The following RALGAPA2 variants were observed in gnomAD, a reference collection of about 807,000 sequenced individuals.
The protein encoded by RALGAPA2 is Ral GTPase activating protein catalytic subunit alpha 2, also known as ral GTPase-activating protein subunit alpha-2.
RALGAPA2 carries 139 observed loss-of-function variants against 230.4 expected under a neutral mutation model. That is an observed-to-expected ratio of 0.60 (90% CI 0.53 to 0.69). The LOEUF (loss-of-function observed/expected upper bound fraction) is 0.69, where lower values mean the gene tolerates loss of function less well. Among genes scored for constraint, RALGAPA2 ranks in the 30% least tolerant of loss-of-function variants. The pLI is 0.00. For synonymous variants in RALGAPA2, 847 were observed against 837.8 expected, an observed-to-expected ratio of 1.01 and a Z score of -0.19; for missense variants, 2,163 against 2,276.0, an observed-to-expected ratio of 0.95 and a Z score of 1.01.
chr20:20,516,108 G>A (rs980387420), intron 31 of RALGAPA2, among the ~76,000 whole-genome samples: 1 of 152,170 alleles, frequency 6.6e-6, no homozygotes, highest in Admixed American at 6.5e-5. Flanking sequence ...GTGCAGCAGA[G>A]GCAGTTATAC....
At chr20:20,490,202 A>C (rs1165333180) in intron 36 of RALGAPA2, among the ~76,000 whole-genome samples, 1 of 152,226 alleles carries the variant, frequency 6.6e-6, no homozygotes, top group East Asian at 1.9e-4. Flanking sequence ...CAAAAACCGG[A>C]CAAAAGGAAT....
intron 38 of RALGAPA2, among the ~76,000 whole-genome samples, chr20:20,407,385 T>C (rs2059968721): frequency 6.6e-6 from 1 of 152,244 alleles, no homozygotes; most frequent in Non-Finnish European, 1.5e-5. Context: ...GGTTAGGATT[T>C]ACTTGTGCTG....
chr20:20,438,417 T>G (rs1276705956), intron 37 of RALGAPA2, among the ~76,000 whole-genome samples: 1 of 152,260 alleles, frequency 6.6e-6, no homozygotes, highest in Non-Finnish European at 1.5e-5. Context: ...CTTTATGTTC[T>G]GCATTTACAA....
At position 20,392,837 on chromosome 20, in the gene RALGAPA2, T is replaced by C. The variant is rs976341122; in HGVS notation, c.*452A>G. The C allele has an allele frequency of 4.2e-5, 10 of 240,746 alleles. 1 individual carries two copies. The Admixed American group carries it at 5.0e-4, about 12-fold the overall frequency. 14.9% of individuals were successfully genotyped at this position (240,746 alleles called of 1,614,324 possible). A position where few individuals can be genotyped will look rare whatever the true frequency, so the allele number is the denominator to read the frequency against. On this transcript the variant is annotated 3_prime_UTR_variant, in exon 40 of 40. Coordinates refer to ENST00000202677, the MANE Select transcript of RALGAPA2 (RefSeq NM_020343.4). ...TGTGAATCATGCTTGGGTTCATAAA[T>C]GAGAAGAAACAACTTGGGGTGCAGA...
At position 20,546,752 on chromosome 20, in the gene RALGAPA2, C is replaced by T. The variant is rs372882025; in HGVS notation, c.3237G>A (p.Gly1079=). The T allele has an allele frequency of 2.5e-6, 4 of 1,611,892 alleles. No homozygotes were observed. The highest frequency in any genetic ancestry group is 3.4e-5 in the Admixed American group (2 of 59,406). The part of the protein sequence containing the change: ...LGFPGFSMLV[G]DFITAAARVL... Reference sequence around the variant, plus strand: ...CCCTGGCAGCGGCCGTGATGAAGTCCCCCACCAGCATTGAGAAGCCAGGAA... The same window carrying T: ...CCCTGGCAGCGGCCGTGATGAAGTCTCCCACCAGCATTGAGAAGCCAGGAA... Residue 1079 remains glycine (G), a synonymous_variant, in exon 24 of 40, where the codon GGG becomes GGA. Transcript: ENST00000202677.
chr20:20,563,437 A>C (rs2064316112), intron 23 of RALGAPA2, among the ~76,000 whole-genome samples: 9 of 152,238 alleles, frequency 5.9e-5, no homozygotes, highest in Admixed American at 5.9e-4. Context: ...TTTGCATACC[A>C]ACTGCTTGAA....
intron 1 of RALGAPA2, among the ~76,000 whole-genome samples, chr20:20,687,141 G>C (rs534180493): frequency 2.0e-5 from 3 of 152,080 alleles, no homozygotes; most frequent in Admixed American, 6.5e-5. Context: ...GCTGGTGATA[G>C]GAAAAAGGGT....
chr20:20,462,828 T>C (rs1045694685), intron 37 of RALGAPA2, among the ~76,000 whole-genome samples: 2 of 152,240 alleles, frequency 1.3e-5, no homozygotes, highest in African/African-American at 4.8e-5. Context: ...GCAGCGTCTC[T>C]TATTCTAATA....
chr20:20,657,305 T>C (rs1010085909), intron 3 of RALGAPA2, among the ~76,000 whole-genome samples: 21 of 152,212 alleles, frequency 1.4e-4, no homozygotes, highest in African/African-American at 4.6e-4. Flanking sequence ...CTTGTACTAC[T>C]GCCTCTGGCA....
intron 39 of RALGAPA2, among the ~76,000 whole-genome samples, chr20:20,393,914 C>A (rs1196249673): frequency 6.6e-6 from 1 of 152,202 alleles, no homozygotes; most frequent in Non-Finnish European, 1.5e-5. Context: ...GCCACTGTTG[C>A]GGGTGGAGCT....
chr20:20,621,267 C>A (rs1275765572), intron 10 of RALGAPA2, among the ~76,000 whole-genome samples: 1 of 152,098 alleles, frequency 6.6e-6, no homozygotes, highest in Non-Finnish European at 1.5e-5. Flanking sequence ...AATTATAATG[C>A]ACAACCTGGA....
intron 18 of RALGAPA2, among the ~76,000 whole-genome samples, 175 bp from the exon 19 acceptor site, chr20:20,585,130 TTACTC>T (rs201215139): frequency 0.022 from 3,324 of 152,342 alleles, 61 homozygotes; most frequent in Non-Finnish European, 0.032. Context: ...TAATTTTATG[TTACTC>T]AAGATCTGAA....
At chr20:20,569,345 C>T (rs192273664) in intron 23 of RALGAPA2, among the ~76,000 whole-genome samples, 116 of 152,204 alleles carry the variant, frequency 7.6e-4, no homozygotes, top group Admixed American at 1.3e-3. Flanking sequence ...TTAAAGAAAA[C>T]AGTCAACTCT....
chr20:20,672,049 C>T (rs868360957), intron 3 of RALGAPA2, among the ~76,000 whole-genome samples: 7 of 152,150 alleles, frequency 4.6e-5, no homozygotes, highest in Middle Eastern at 3.2e-3. Flanking sequence ...CCAACACCAG[C>T]GCTAGGATTT....
chr20:20,691,933 C>T (rs1459750432), intron 1 of RALGAPA2, among the ~76,000 whole-genome samples: 1 of 152,144 alleles, frequency 6.6e-6, no homozygotes, highest in Non-Finnish European at 1.5e-5. Flanking sequence ...GCTGTCCTTA[C>T]AGTAATGACT....
At chr20:20,571,804 G>A in intron 22 of RALGAPA2, 44 bp downstream of exon 22, 2 of 1,535,144 alleles carry the variant, frequency 1.3e-6, no homozygotes, top group Non-Finnish European at 1.8e-6. Flanking sequence ...ATTTCAGAAA[G>A]GAAGAGGAAA....
chr20:20,593,339 C>T lies in RALGAPA2; in HGVS notation c.2204-2025G>A, dbSNP rs538043070. Among the ~76,000 whole-genome samples, 5 of 152,332 alleles carry T rather than the reference C, an allele frequency of 3.3e-5. No individual in the cohort carries two copies. The East Asian group carries it at 9.6e-4, about 29-fold the overall frequency. On this transcript the variant is annotated intron_variant, in intron 16 of 39. Transcript: ENST00000202677. ...TTGCCTTCCTCTTCTTTTGAACAGC[C>T]AAGAACTGTTCATTTTTCTACAGAG...
intron 23 of RALGAPA2, among the ~76,000 whole-genome samples, chr20:20,561,236 T>C (rs1444530462): frequency 6.6e-6 from 1 of 152,248 alleles, no homozygotes. Context: ...GTCCTGGCTC[T>C]GGGTAAAACA....
At chr20:20,606,564 A>G (rs1263606307) in intron 14 of RALGAPA2, among the ~76,000 whole-genome samples, 1 of 151,750 alleles carries the variant, frequency 6.6e-6, no homozygotes, top group Non-Finnish European at 1.5e-5. Context: ...TTGTTTCTGT[A>G]TAACTCCCCC....
Sources: allele counts gnomAD v4.1 joint callset (sites outside exome capture counted in the v4.1 genomes callset), GRCh38; gene constraint gnomAD v4.1.1; transcripts MANE v1.5; gene names NCBI Gene and HGNC (gene_info 2026-07-23, HGNC 2026-07-21).